TCF12: variants seen among roughly 807,000 people sequenced by gnomAD.
The protein encoded by TCF12 is DNA-binding protein HTF4.
In TCF12, 45 loss-of-function variants were observed where a neutral mutation model predicts 86.0. The observed-to-expected ratio is 0.52, with a 90% CI of 0.41 to 0.67. The LOEUF (loss-of-function observed/expected upper bound fraction) is 0.67. Ranked by LOEUF, TCF12 falls within the 30% of genes least tolerant of loss-of-function variation. The probability of loss-of-function intolerance (pLI) is 0.00; values close to 1 mark genes in which losing one functional copy is unlikely to be tolerated. For synonymous variants in TCF12, 330 were observed against 299.6 expected, an observed-to-expected ratio of 1.10 and a Z score of -1.05; for missense variants, 881 against 859.9, an observed-to-expected ratio of 1.02 and a Z score of -0.31.
intron 5 of TCF12, among the ~76,000 whole-genome samples, chr15:57,135,713 G>A (rs748040280): frequency 6.6e-6 from 1 of 152,142 alleles, no homozygotes; most frequent in Non-Finnish European, 1.5e-5. Flanking sequence ...TTGTTATTTC[G>A]CCAAGCAGTA....
chr15:57,015,239 G>C (rs1418904949), intron 3 of TCF12, among the ~76,000 whole-genome samples: 1 of 152,204 alleles, frequency 6.6e-6, no homozygotes, highest in East Asian at 1.9e-4. Flanking sequence ...AGTGAGCCAA[G>C]ATTGTGCCAC....
intron 4 of TCF12, among the ~76,000 whole-genome samples, chr15:57,070,130 T>C (rs1325854964): frequency 6.6e-6 from 1 of 152,190 alleles, no homozygotes; most frequent in Non-Finnish European, 1.5e-5. Context: ...GTGGTGATGA[T>C]TTAGCTTTAA....
At chr15:57,173,628 A>G (rs2055687709) in intron 6 of TCF12, among the ~76,000 whole-genome samples, 1 of 152,174 alleles carries the variant, frequency 6.6e-6, no homozygotes, top group Non-Finnish European at 1.5e-5. Flanking sequence ...TTGACAACTT[A>G]GATTAAATAA....
chr15:57,290,597 C>G (rs2062061247), downstream of TCF12, among the ~76,000 whole-genome samples: 1 of 152,174 alleles, frequency 6.6e-6, no homozygotes, highest in Non-Finnish European at 1.5e-5. Context: ...GTAGGGAGAG[C>G]CTCAGGCTGC....
intron 14 of TCF12, chr15:57,252,091 G>T: frequency 4.6e-6 from 1 of 216,550 alleles, no homozygotes; most frequent in African/African-American, 2.3e-5. Flanking sequence ...ATGATTTGAT[G>T]GAATGCTAAG....
At chr15:57,056,161 A>G (rs1430490944) in intron 3 of TCF12, among the ~76,000 whole-genome samples, 1 of 125,986 alleles carries the variant, frequency 7.9e-6, no homozygotes, top group African/African-American at 3.9e-5. Flanking sequence ...GTGTTTTGAG[A>G]CAGAGTTTCT....
chr15:57,079,210 T>C (rs1416229162), intron 4 of TCF12, among the ~76,000 whole-genome samples: 1 of 152,222 alleles, frequency 6.6e-6, no homozygotes, highest in Non-Finnish European at 1.5e-5. Context: ...CACTTAAACG[T>C]GCTTCACAGT....
chr15:57,225,220 CTTTTTTTTTTT>C (rs139530756), intron 8 of TCF12, among the ~76,000 whole-genome samples: 8 of 39,770 alleles, frequency 2.0e-4, no homozygotes, highest in East Asian at 1.6e-3. Flanking sequence ...CTGATATATG[CTTTTTTTTTTT>C]TTTTTTTTTT....
At chr15:56,998,666 G>T (rs746835030) in intron 3 of TCF12, among the ~76,000 whole-genome samples, 1 of 151,924 alleles carries the variant, frequency 6.6e-6, no homozygotes, top group African/African-American at 2.4e-5. Flanking sequence ...CAGAATGTCC[G>T]AACAACATTA....
At position 57,252,467 on chromosome 15, in the gene TCF12, T is replaced by C. The variant is rs2060162797; in HGVS notation, c.1235T>C (p.Met412Thr). 6.2e-7 allele frequency: 1 copy of C among 1,613,866 alleles called. No homozygotes were observed. The highest frequency in any genetic ancestry group is 1.3e-5 in the African/African-American group (1 of 74,942). Residue 412 changes from methionine to threonine, a missense_variant, in exon 15 of 21, where the codon ATG (methionine) becomes ACG (threonine). Transcript: ENST00000333725. ...QQLHEHLQDA[M>T]SFLKDVCEQS... ...CTTCACGAGCATTTGCAAGATGCAATGTCCTTCTTAAAGGATGTCTGTGAG... is the reference window on the plus strand; with the variant it reads ...CTTCACGAGCATTTGCAAGATGCAACGTCCTTCTTAAAGGATGTCTGTGAG...
At chr15:57,029,607 A>G (rs1438579946) in intron 3 of TCF12, among the ~76,000 whole-genome samples, 5 of 152,328 alleles carry the variant, frequency 3.3e-5, no homozygotes, top group Non-Finnish European at 7.4e-5. Flanking sequence ...AACATGGAGT[A>G]AAATGGACTT....
intron 18 of TCF12, among the ~76,000 whole-genome samples, chr15:57,268,902 G>C (rs2441924): frequency 0.81 from 122,447 of 151,800 alleles, 49,950 homozygotes; most frequent in African/African-American, 0.93. Context: ...GTTGTGATTT[G>C]TGTTATTTTA....
chr15:57,136,213 T>G (rs1337750685), intron 5 of TCF12, among the ~76,000 whole-genome samples: 9 of 152,198 alleles, frequency 5.9e-5, no homozygotes, highest in African/African-American at 2.2e-4. Flanking sequence ...TTCTAAACAC[T>G]AAAAATTGCT....
At chr15:57,211,881 G>A (rs1353251461) in intron 8 of TCF12, among the ~76,000 whole-genome samples, 6 of 152,254 alleles carry the variant, frequency 3.9e-5, no homozygotes, top group Non-Finnish European at 5.9e-5. Flanking sequence ...TTGAGCCCGG[G>A]AGGTGGAGGT....
At chr15:57,150,261 C>T (rs988840974) in intron 5 of TCF12, among the ~76,000 whole-genome samples, 1 of 152,118 alleles carries the variant, frequency 6.6e-6, no homozygotes, top group African/African-American at 2.4e-5. Context: ...CAAGTACTGA[C>T]ATGTACATGC....
intron 3 of TCF12, among the ~76,000 whole-genome samples, chr15:56,989,161 A>T (rs1182934602): frequency 6.6e-6 from 1 of 152,142 alleles, no homozygotes; most frequent in Non-Finnish European, 1.5e-5. Context: ...TTAAATTAGG[A>T]TCATACTGCT....
chr15:57,017,356 A>C (rs1423233754), intron 3 of TCF12, among the ~76,000 whole-genome samples: 5 of 152,266 alleles, frequency 3.3e-5, no homozygotes, highest in African/African-American at 1.2e-4. Context: ...CCTTGAGACA[A>C]ATCTGGCTCA....
chr15:57,076,512 G>A (rs2070057624), intron 4 of TCF12, among the ~76,000 whole-genome samples: 1 of 151,884 alleles, frequency 6.6e-6, no homozygotes, highest in Non-Finnish European at 1.5e-5. Context: ...AATTTGCTGG[G>A]CGTGGTGGCA....
intron 7 of TCF12, among the ~76,000 whole-genome samples, chr15:57,196,297 C>T (rs1431927845): frequency 6.6e-6 from 1 of 152,076 alleles, no homozygotes; most frequent in Non-Finnish European, 1.5e-5. Flanking sequence ...AGGTATTATA[C>T]ATAATAATGT....
Sources: gnomAD v4.1 joint callset for allele counts (sites outside exome capture counted in the v4.1 genomes callset) on GRCh38, gnomAD v4.1.1 for gene constraint, MANE v1.5 for transcripts, NCBI Gene and HGNC (gene_info 2026-07-23, HGNC 2026-07-21) for gene names.